The following AUNIP variants were observed in gnomAD, a reference collection of about 807,000 sequenced individuals.
AUNIP encodes the protein aurora kinase A- and ninein-interacting protein.
A neutral mutation model predicts 12.2 loss-of-function variants in AUNIP; 16 were observed. The observed-to-expected ratio is 1.31, with a 90% CI of 0.88 to 1.99. The LOEUF (loss-of-function observed/expected upper bound fraction) is 1.99. AUNIP is among the 30% of genes most tolerant of loss of function. The pLI is 0.00. For synonymous variants in AUNIP, 142 were observed against 154.8 expected (o/e 0.92, Z 0.61); for missense variants, 411 against 419.1 (o/e 0.98, Z 0.17).
intron 1 of AUNIP, among the ~76,000 whole-genome samples, chr1:25,856,378 AAAAC>A (rs1045727181): frequency 2.0e-5 from 3 of 150,818 alleles, no homozygotes; most frequent in African/African-American, 2.5e-5. Flanking sequence ...AAAAAAAAAC[AAAAC>A]AAACAATAAA....
intron 1 of AUNIP, among the ~76,000 whole-genome samples, chr1:25,848,483 CAAAAAAAAAAAAAAA>C (rs761716480): frequency 1.6e-5 from 1 of 62,474 alleles, no homozygotes; most frequent in East Asian, 6.2e-4. Flanking sequence ...AACTCCGTCT[CAAAAAAAAAAAAAAA>C]AAAAAAAAGA....
At chr1:25,848,073 A>G (rs2048396849) in intron 1 of AUNIP, among the ~76,000 whole-genome samples, 1 of 151,762 alleles carries the variant, frequency 6.6e-6, no homozygotes, top group Non-Finnish European at 1.5e-5. Flanking sequence ...ACCTGTCAGG[A>G]TACTACACAC....
intron 1 of AUNIP, among the ~76,000 whole-genome samples, chr1:25,853,048 G>C (rs1290202810): frequency 2.0e-5 from 3 of 152,060 alleles, no homozygotes; most frequent in Admixed American, 6.6e-5. Context: ...TTGTGACCTA[G>C]TATTTGTGGA....
intron 1 of AUNIP, among the ~76,000 whole-genome samples, chr1:25,853,087 A>G (rs77984020): frequency 2.4e-3 from 368 of 152,232 alleles, no homozygotes; most frequent in African/African-American, 8.5e-3. Context: ...GGAGAAGACT[A>G]TGTATTCTGC....
intron 1 of AUNIP, among the ~76,000 whole-genome samples, chr1:25,849,479 G>C (rs1282663599): frequency 2.6e-5 from 4 of 152,062 alleles, no homozygotes; most frequent in African/African-American, 9.7e-5. Flanking sequence ...CCTATTCTGG[G>C]CCTTTTATGT....
rs144879227 is a variant in AUNIP at position 25,846,900 on chromosome 1, C to T, written c.79-9346G>A. On this transcript the variant is annotated intron_variant, in intron 1 of 2. Coordinates refer to ENST00000374298, the MANE Select transcript of AUNIP (RefSeq NM_024037.3). ...TAGCAGTGGCTGCATATGGCTCTCT[C>T]GGTCACAGAGATGACAGTCCTATAA... Among the ~76,000 whole-genome samples, 114 of 152,334 alleles carry T rather than the reference C, an allele frequency of 7.5e-4. 1 individual carries two copies. The highest frequency in any genetic ancestry group is 2.6e-3 in the African/African-American group (107 of 41,574).
Position 25,837,572 on chromosome 1 carries a change from AAAG to A in AUNIP, c.79-21_79-19del. On this transcript the variant is annotated intron_variant, in intron 1 of 2. Transcript: ENST00000374298. The stretch of plus-strand genomic sequence containing the variant: ...AAATGTGTCTGAGAAAGGAGAGAAA[AAAG>A]AATAATGAGCCTATTAATATTAAAA... 1 of 1,607,676 alleles carries A rather than the reference AAAG, an allele frequency of 6.2e-7. No individual in the cohort carries two copies. The highest frequency in any genetic ancestry group is 8.5e-7 in the Non-Finnish European group (1 of 1,176,306).
intron 1 of AUNIP, among the ~76,000 whole-genome samples, chr1:25,851,828 G>A (rs565588572): frequency 3.3e-5 from 5 of 152,044 alleles, no homozygotes; most frequent in African/African-American, 7.2e-5. Context: ...CCTGTCTCCC[G>A]GGTTCAAGTG....
intron 1 of AUNIP, among the ~76,000 whole-genome samples, chr1:25,849,228 G>A (rs1018304445): frequency 5.3e-5 from 8 of 152,028 alleles, no homozygotes; most frequent in South Asian, 2.1e-4. Flanking sequence ...TCCACAAAGC[G>A]TCTTTCTTTT....
At chr1:25,843,594 G>GAAAAAAAAAAAAAAAA (rs769525747) in intron 1 of AUNIP, among the ~76,000 whole-genome samples, 1 of 31,890 alleles carries the variant, frequency 3.1e-5, no homozygotes, top group Admixed American at 3.6e-4. Context: ...CTGTCTGTTT[G>GAAAAAAAAAAAAAAAA]AAAAAAAAAA....
At chr1:25,833,827 G>A (rs559970028), downstream of AUNIP, among the ~76,000 whole-genome samples, 2 of 151,252 alleles carry the variant, frequency 1.3e-5, no homozygotes, top group South Asian at 2.1e-4. Context: ...GTCCCTTAGA[G>A]GTTGTTTAAG....
At chr1:25,851,389 T>C (rs886312639) in intron 1 of AUNIP, among the ~76,000 whole-genome samples, 1 of 152,188 alleles carries the variant, frequency 6.6e-6, no homozygotes, top group African/African-American at 2.4e-5. Context: ...TCAAAATGAG[T>C]TGGAAAGTGT....
At chr1:25,856,610 G>A (rs1240617520) in intron 1 of AUNIP, among the ~76,000 whole-genome samples, 2 of 152,106 alleles carry the variant, frequency 1.3e-5, no homozygotes, top group African/African-American at 4.8e-5. Flanking sequence ...AGGAGGTGGA[G>A]GTTGCAGTGA....
At chr1:25,855,813 C>T (rs1242897796) in intron 1 of AUNIP, among the ~76,000 whole-genome samples, 1 of 152,172 alleles carries the variant, frequency 6.6e-6, no homozygotes, top group African/African-American at 2.4e-5. Context: ...ATCTTTAGTA[C>T]TCTTCTCTGG....
intron 1 of AUNIP, among the ~76,000 whole-genome samples, chr1:25,851,467 T>C (rs890117656): frequency 6.6e-6 from 1 of 152,222 alleles, no homozygotes; most frequent in African/African-American, 2.4e-5. Context: ...AAATGTTTGG[T>C]AGAATTCACC....
Position 25,834,349 on chromosome 1 carries a change from C to G in AUNIP, c.*644G>C. The G allele has an allele frequency of 1.0e-6, 1 of 985,300 alleles. No individual in the cohort carries two copies. Among genetic ancestry groups the G allele is most frequent in the Non-Finnish European group, 1.2e-6 (1 of 829,898 alleles). 61.0% of individuals were successfully genotyped at this position (985,300 alleles called of 1,614,324 possible). Reference sequence around the variant, plus strand: ...TCACACATCTGGCTGGGCGCGGTGGCTTATGCCTGTAATCTCAGCACTTTG... The same window carrying G: ...TCACACATCTGGCTGGGCGCGGTGGGTTATGCCTGTAATCTCAGCACTTTG... On this transcript the variant is annotated 3_prime_UTR_variant, in exon 3 of 3. Coordinates refer to ENST00000374298, the MANE Select transcript of AUNIP (RefSeq NM_024037.3).
At chr1:25,858,669 TCA>T (rs2048482060) in intron 1 of AUNIP, among the ~76,000 whole-genome samples, 1 of 152,210 alleles carries the variant, frequency 6.6e-6, no homozygotes, top group Non-Finnish European at 1.5e-5. Context: ...TTACTGAACC[TCA>T]GTTTCCTCAT....
chr1:25,853,671 G>T (rs12089222), intron 1 of AUNIP, among the ~76,000 whole-genome samples: 3,354 of 152,214 alleles, frequency 0.022, 112 homozygotes, highest in African/African-American at 0.075. Flanking sequence ...TAGCTTGGTG[G>T]TTCTGGCTCA....
Position 25,835,416 on chromosome 1 carries a change from T to A in AUNIP, c.651A>T (p.Leu217=). Residue 217 remains leucine, a synonymous_variant, in exon 3 of 3, where the codon CTA becomes CTT. Transcript: ENST00000374298. ...NYQSMEKHTK[L]PGDKCCQPLG... ...AGGGCTGACAGCATTTGTCCCCAGG[T>A]AGTTTGGTGTGTTTCTCCATACTCT... is the stretch of plus-strand genomic sequence containing the variant. The A allele has an allele frequency of 6.2e-7, 1 of 1,614,256 alleles. No individual in the cohort carries two copies. The highest frequency in any genetic ancestry group is 8.5e-7 in the Non-Finnish European group (1 of 1,180,044).
Sources: gnomAD v4.1 joint callset for allele counts (sites outside exome capture counted in the v4.1 genomes callset) on GRCh38, gnomAD v4.1.1 for gene constraint, MANE v1.5 for transcripts, NCBI Gene and HGNC (gene_info 2026-07-23, HGNC 2026-07-21) for gene names.